Variants in HDAC9 observed in about 807,000 individuals in gnomAD.
The protein encoded by HDAC9 is MEF-2 interacting transcription repressor (MITR) protein.
Under a neutral mutation model 139.4 loss-of-function variants are expected in HDAC9, and 41 were observed. That is an observed-to-expected ratio of 0.29 (90% confidence interval 0.23 to 0.38). HDAC9 has a LOEUF of 0.38. Ranked by LOEUF, HDAC9 falls within the 10% of genes least tolerant of loss-of-function variation. The pLI is 1.00. For missense variants in HDAC9, 1,147 were observed against 1,297.0 expected (o/e 0.88, Z 1.78); for synonymous variants, 517 against 476.2 (o/e 1.09, Z -1.12).
chr7:18,569,012 A>C (rs527382383), intron 2 of HDAC9, among the ~76,000 whole-genome samples: 41 of 152,130 alleles, frequency 2.7e-4, no homozygotes, highest in Non-Finnish European at 6.0e-4. Flanking sequence ...ACGCCATTGC[A>C]CTCCAGCCTG....
chr7:18,100,456 G>A (rs1052313380), intron 1 of HDAC9, among the ~76,000 whole-genome samples: 5 of 152,012 alleles, frequency 3.3e-5, no homozygotes, highest in African/African-American at 7.2e-5. Flanking sequence ...TAGGATCACT[G>A]ATGCTCTGTT....
intron 2 of HDAC9, among the ~76,000 whole-genome samples, chr7:18,175,382 G>A (rs1311275358): frequency 2.6e-5 from 4 of 152,216 alleles, no homozygotes; most frequent in African/African-American, 9.6e-5. Context: ...CCCTTGGCTA[G>A]GAAAGGGAAT....
At chr7:18,469,663 A>G (rs1446798213) in intron 1 of HDAC9, among the ~76,000 whole-genome samples, 4 of 152,188 alleles carry the variant, frequency 2.6e-5, no homozygotes, top group Admixed American at 1.3e-4. Context: ...GGTTTTCTCT[A>G]TCCTTATTCT....
intron 2 of HDAC9, among the ~76,000 whole-genome samples, chr7:18,520,020 T>G (rs1370214275): frequency 6.6e-6 from 1 of 152,120 alleles, no homozygotes; most frequent in African/African-American, 2.4e-5. Context: ...TCATGGTACT[T>G]GTTTCCATTA....
At chr7:18,854,683 A>G (rs573745192) in intron 21 of HDAC9, among the ~76,000 whole-genome samples, 1 of 151,302 alleles carries the variant, frequency 6.6e-6, no homozygotes, top group East Asian at 1.9e-4. Flanking sequence ...TACTGAATAG[A>G]GAAAAGTATA....
chr7:18,629,440 A>G lies in HDAC9; in HGVS notation c.755A>G (p.Asn252Ser). Residue 252 changes from asparagine (N) to serine (S), a missense_variant, in exon 7 of 26, where the codon AAT becomes AGT. By Grantham distance (46) the Asn-to-Ser change is conservative (BLOSUM62 1). Coordinates refer to ENST00000686413, the MANE Select transcript of HDAC9 (RefSeq NM_178425.4). ...SSPLLRRKDG[N>S]VVTSFKKRMF... ...CCCTTACTCAGGCGGAAGGATGGAA[A>G]TGTTGTCACTTCATTCAAGAAGCGA... The G allele has an allele frequency of 6.2e-7, 1 of 1,612,508 alleles. No individual in the cohort carries two copies. The highest frequency in any genetic ancestry group is 1.7e-5 in the Admixed American group (1 of 59,910).
At chr7:18,184,541 G>A (rs1051373474) in intron 2 of HDAC9, among the ~76,000 whole-genome samples, 4 of 152,136 alleles carry the variant, frequency 2.6e-5, no homozygotes, top group South Asian at 2.1e-4. Flanking sequence ...TTTTGTGCAC[G>A]AAACAAAATT....
intron 24 of HDAC9, among the ~76,000 whole-genome samples, chr7:18,973,820 C>A (rs1784393495): frequency 6.6e-6 from 1 of 152,202 alleles, no homozygotes; most frequent in Admixed American, 6.5e-5. Flanking sequence ...TGGTTTCCCA[C>A]TTGGACTTTT....
At chr7:18,840,040 A>G (rs1035953976) in intron 21 of HDAC9, among the ~76,000 whole-genome samples, 1 of 152,110 alleles carries the variant, frequency 6.6e-6, no homozygotes, top group Non-Finnish European at 1.5e-5. Context: ...GTAGTCCTTG[A>G]AATTATGCCT....
In HDAC9 at chr7:18,998,451, G is replaced by C. The variant is rs1482013260; in HGVS notation, c.*2389G>C. 1 of 152,096 alleles carries C rather than the reference G, an allele frequency of 6.6e-6. No homozygotes were observed. Among genetic ancestry groups the C allele is most frequent in the Admixed American group, 6.5e-5 (1 of 15,268 alleles). 9.4% of individuals were successfully genotyped at this position (152,096 alleles called of 1,614,324 possible). Reference sequence around the variant, plus strand: ...CACCATACCCAATTGGTTGCACTTAGAGTCTTTAAAATACCTGGAGAAGCA... The same window carrying C: ...CACCATACCCAATTGGTTGCACTTACAGTCTTTAAAATACCTGGAGAAGCA... On this transcript the variant is annotated 3_prime_UTR_variant, in exon 26 of 26. Coordinates refer to ENST00000686413, the MANE Select transcript of HDAC9 (RefSeq NM_178425.4).
At chr7:18,745,134 G>C (rs1343024903) in intron 13 of HDAC9, among the ~76,000 whole-genome samples, 1 of 152,082 alleles carries the variant, frequency 6.6e-6, no homozygotes, top group African/African-American at 2.4e-5. Context: ...CACCCTATAA[G>C]TCCATGTTTC....
At chr7:18,732,049 G>C (rs10245337) in intron 13 of HDAC9, among the ~76,000 whole-genome samples, 1 of 151,954 alleles carries the variant, frequency 6.6e-6, no homozygotes, top group Non-Finnish European at 1.5e-5. Context: ...TAGTAGAGAC[G>C]GGATTTCTGT....
Position 18,590,475 on chromosome 7 carries a change from G to A in HDAC9, c.404G>A (p.Arg135Lys). The stretch of plus-strand genomic sequence containing the variant: ...CTTCCTCCTCTCAGAGGCAAAGATA[G>A]AGGACGAGAAAGTAAGAGGCACCAG... ...QQLPPLRGKD[R>K]GRERAVASTE... Residue 135 changes from arginine (R) to lysine (K), a missense_variant, in exon 4 of 26, where the codon AGA becomes AAA. Around this residue, in one of 7 missense-constraint regions of HDAC9, gnomAD observed 136 missense variants for 183.5 expected, o/e 0.74. Transcript: ENST00000686413. 6.3e-7 allele frequency: 1 copy of A among 1,597,810 alleles called. No homozygotes were observed. Among genetic ancestry groups the A allele is most frequent in the Non-Finnish European group, 8.5e-7 (1 of 1,171,908 alleles).
At chr7:18,692,601 T>C (rs893191427) in intron 12 of HDAC9, among the ~76,000 whole-genome samples, 1 of 152,076 alleles carries the variant, frequency 6.6e-6, no homozygotes, top group African/African-American at 2.4e-5. Context: ...CAGACTAAGT[T>C]TGGGGTTTCT....
chr7:18,296,404 A>G (rs1798151637), intron 1 of HDAC9, among the ~76,000 whole-genome samples: 2 of 118,870 alleles, frequency 1.7e-5, no homozygotes, highest in Non-Finnish European at 3.2e-5. Flanking sequence ...TGATTATAAC[A>G]TAATTCATAT....
intron 22 of HDAC9, among the ~76,000 whole-genome samples, chr7:18,908,254 T>C (rs1377023587): frequency 1.3e-5 from 2 of 152,124 alleles, no homozygotes; most frequent in African/African-American, 4.8e-5. Context: ...AAAATTTTAA[T>C]TGACACATAA....
At chr7:18,440,207 G>A (rs918069599) in intron 1 of HDAC9, among the ~76,000 whole-genome samples, 12 of 142,394 alleles carry the variant, frequency 8.4e-5, no homozygotes, top group Admixed American at 2.1e-4. Flanking sequence ...TTTTTTTGGC[G>A]GAGTTTCACT....
intron 1 of HDAC9, among the ~76,000 whole-genome samples, chr7:18,124,754 C>T (rs901682229): frequency 3.3e-5 from 5 of 152,154 alleles, no homozygotes; most frequent in Non-Finnish European, 7.4e-5. Context: ...TTGCCCCCAG[C>T]TGCTGTTACT....
In HDAC9 at chr7:18,944,818, C is replaced by T. The variant is rs192973690; in HGVS notation, c.2937+8876C>T. Reference sequence around the variant, plus strand: ...AATCATACAATATATAATTCTTACTCATTTTGCTTAAGAGATTTATCCATG... The same window carrying T: ...AATCATACAATATATAATTCTTACTTATTTTGCTTAAGAGATTTATCCATG... On this transcript the variant is annotated intron_variant, in intron 23 of 25. Transcript: ENST00000686413. Among the ~76,000 whole-genome samples the T allele has an allele frequency of 1.5e-3, 225 of 152,190 alleles. 1 individual carries two copies. The highest frequency in any genetic ancestry group is 5.2e-3 in the African/African-American group (216 of 41,528).
Sources: gnomAD v4.1 joint callset for allele counts (sites outside exome capture counted in the v4.1 genomes callset) on GRCh38, gnomAD v4.1.1 for gene constraint, gnomAD v4.1.1 regional missense constraint, MANE v1.5 for transcripts, NCBI Gene and HGNC (gene_info 2026-07-23, HGNC 2026-07-21) for gene names.